Variants in USP32 observed in about 807,000 individuals in gnomAD.
USP32 encodes ubiquitin specific peptidase 32.
A neutral mutation model predicts 204.8 loss-of-function variants in USP32; 59 were observed. That is an observed-to-expected ratio of 0.29 (90% CI 0.23 to 0.36). The LOEUF is 0.36. USP32 is among the 10% of genes least tolerant of loss of function. The pLI is 1.00. For synonymous variants in USP32, 517 were observed against 678.4 expected, an observed-to-expected ratio of 0.76 and a Z score of 3.70; for missense variants, 1,160 against 1,946.4, an observed-to-expected ratio of 0.60 and a Z score of 7.60.
intron 1 of USP32, among the ~76,000 whole-genome samples, chr17:60,367,044 G>A (rs1015302180): frequency 3.9e-5 from 6 of 152,046 alleles, no homozygotes; most frequent in South Asian, 4.2e-4. Context: ...AGCCAGGATG[G>A]TCTCAATCTC....
intron 7 of USP32, among the ~76,000 whole-genome samples, chr17:60,268,191 T>C (rs543288037): frequency 6.6e-6 from 1 of 152,100 alleles, no homozygotes; most frequent in African/African-American, 2.4e-5. Context: ...TAACTCCAAA[T>C]GAATCATTCT....
intron 11 of USP32, among the ~76,000 whole-genome samples, chr17:60,246,420 T>C (rs2086029160): frequency 6.6e-6 from 1 of 151,572 alleles, no homozygotes; most frequent in Non-Finnish European, 1.5e-5. Context: ...TATATTTTTT[T>C]TTTTTCTTTA....
At chr17:60,316,192 T>G in intron 2 of USP32, 1 of 266,568 alleles carries the variant, frequency 3.8e-6, no homozygotes, top group Non-Finnish European at 7.5e-6. Context: ...TCAGCTACCT[T>G]GCCGCATATA....
intron 1 of USP32, among the ~76,000 whole-genome samples, chr17:60,399,667 A>G (rs910977329): frequency 5.3e-5 from 8 of 152,258 alleles, no homozygotes; most frequent in African/African-American, 1.9e-4. Context: ...TGTCAAAATA[A>G]ATAAATAAAT....
chr17:60,181,254 T>C, intron 32 of USP32, 70 bp downstream of exon 32: 3 of 1,522,844 alleles, frequency 2.0e-6, no homozygotes, highest in Non-Finnish European at 1.8e-6. Context: ...AAATACTTGC[T>C]GATGAATACA....
At chr17:60,206,940 G>A in intron 25 of USP32, 81 bp downstream of exon 25, 1 of 1,532,320 alleles carries the variant, frequency 6.5e-7, no homozygotes, top group African/African-American at 1.4e-5. Flanking sequence ...TCCTCAGCAT[G>A]AACAAATATA....
chr17:60,362,929 T>C (rs998485465), intron 1 of USP32, among the ~76,000 whole-genome samples: 3 of 152,056 alleles, frequency 2.0e-5, no homozygotes, highest in African/African-American at 7.2e-5. Flanking sequence ...TAACTGATTG[T>C]CTTTAACTCA....
At chr17:60,263,749 A>G (rs983042057) in intron 9 of USP32, among the ~76,000 whole-genome samples, 15 of 152,238 alleles carry the variant, frequency 9.9e-5, no homozygotes, top group Non-Finnish European at 2.2e-4. Context: ...GGCAGAGAGG[A>G]GAAAGAAGGG....
intron 7 of USP32, among the ~76,000 whole-genome samples, chr17:60,268,957 T>C (rs149356926): frequency 1.9e-3 from 294 of 152,324 alleles, no homozygotes; most frequent in Middle Eastern, 3.4e-3. Flanking sequence ...AATAATGGAA[T>C]GTATTTATGC....
chr17:60,260,754 C>T (rs1474985910), intron 9 of USP32, among the ~76,000 whole-genome samples: 9 of 151,864 alleles, frequency 5.9e-5, no homozygotes, highest in Admixed American at 2.0e-4. Flanking sequence ...ATTGCATAAT[C>T]GCTTATACAG....
chr17:60,349,599 ATATATATATATATATATATATATATT>A (rs2088882845), intron 1 of USP32, among the ~76,000 whole-genome samples: 5 of 42,812 alleles, frequency 1.2e-4, no homozygotes, highest in African/African-American at 3.7e-4. Context: ...AAAAAAAAAT[ATATATATATATATATATATATATATT>A]ATATATATAT....
chr17:60,349,596 A>AATGT (rs1798256831), intron 1 of USP32, among the ~76,000 whole-genome samples: 1 of 65,202 alleles, frequency 1.5e-5, no homozygotes, highest in Admixed American at 2.5e-4. Context: ...AAAAAAAAAA[A>AATGT]ATATATATAT....
intron 1 of USP32, among the ~76,000 whole-genome samples, chr17:60,416,421 G>A (rs977467438): frequency 1.3e-5 from 2 of 152,126 alleles, no homozygotes; most frequent in African/African-American, 2.4e-5. Flanking sequence ...CCTGCATAAA[G>A]AGGGGGGTGG....
intron 1 of USP32, chr17:60,421,876 C>A: frequency 1.0e-6 from 1 of 985,472 alleles, no homozygotes; most frequent in Non-Finnish European, 1.2e-6. Flanking sequence ...ACGGGACTTG[C>A]CCGCGTCTCA....
chr17:60,323,650 T>C (rs2088164013), intron 2 of USP32, among the ~76,000 whole-genome samples: 1 of 152,196 alleles, frequency 6.6e-6, no homozygotes, highest in Non-Finnish European at 1.5e-5. Flanking sequence ...AACAAAACAC[T>C]ATTTCTTTTA....
intron 9 of USP32, among the ~76,000 whole-genome samples, chr17:60,255,464 AG>A (rs1443909738): frequency 1.3e-5 from 2 of 151,852 alleles, no homozygotes; most frequent in South Asian, 2.1e-4. Context: ...TGCCTGGCTA[AG>A]TTTTTGTGTT....
intron 1 of USP32, among the ~76,000 whole-genome samples, chr17:60,397,200 C>G (rs908397262): frequency 6.6e-6 from 1 of 152,216 alleles, no homozygotes; most frequent in African/African-American, 2.4e-5. Flanking sequence ...TACCTTACTT[C>G]AGTTTCTAGA....
chr17:60,261,919 A>G (rs1311231385), intron 9 of USP32, among the ~76,000 whole-genome samples: 1 of 152,210 alleles, frequency 6.6e-6, no homozygotes, highest in Non-Finnish European at 1.5e-5. Context: ...GAAAAGAAAT[A>G]ATAGATACCA....
intron 9 of USP32, among the ~76,000 whole-genome samples, chr17:60,265,123 G>C (rs2086558217): frequency 6.6e-6 from 1 of 152,146 alleles, no homozygotes; most frequent in African/African-American, 2.4e-5. Flanking sequence ...CCACAACTTA[G>C]TCAAATGGAA....
Sources: gnomAD v4.1 joint callset for allele counts (sites outside exome capture counted in the v4.1 genomes callset) on GRCh38, gnomAD v4.1.1 for gene constraint, MANE v1.5 for transcripts, NCBI Gene and HGNC (gene_info 2026-07-23, HGNC 2026-07-21) for gene names.